The following SLC35F5 variants were observed in gnomAD, a reference collection of about 807,000 sequenced individuals.
SLC35F5 encodes solute carrier family 35 member F5, also known as HCV NS5A-transactivated protein 3.
Under a neutral mutation model 68.6 loss-of-function variants are expected in SLC35F5, and 54 were observed. That is an observed-to-expected ratio of 0.79 (90% CI 0.63 to 0.99). SLC35F5 has a LOEUF of 0.99. Ranked by LOEUF, SLC35F5 falls within the 50% of genes least tolerant of loss-of-function variation. SLC35F5 has a pLI of 0.00. For missense variants in SLC35F5, 567 were observed against 626.9 expected, an observed-to-expected ratio of 0.90 and a Z score of 1.02; for synonymous variants, 211 against 205.2, an observed-to-expected ratio of 1.03 and a Z score of -0.24.
rs1454931032 is a variant in SLC35F5 at position 113,712,043 on chromosome 2, T to C, written c.*3175A>G. ...CTCAAATTGGCTCTGCATGATTGATTTTACAGCGGGCATTAAAATTCTTCT... is the reference window on the plus strand; with the variant it reads ...CTCAAATTGGCTCTGCATGATTGATCTTACAGCGGGCATTAAAATTCTTCT... On this transcript the variant is annotated 3_prime_UTR_variant, in exon 16 of 16. Transcript: ENST00000245680. 1.3e-5 allele frequency among the ~76,000 whole-genome samples: 2 copies of C among 152,208 alleles called. No individual in the cohort carries two copies. The highest frequency in any genetic ancestry group is 2.9e-5 in the Non-Finnish European group (2 of 68,044).
chr2:113,707,831 G>A lies in SLC35F5; in HGVS notation c.*7387C>T, dbSNP rs1052641164. Among the ~76,000 whole-genome samples the A allele has an allele frequency of 6.6e-6, 1 of 152,086 alleles. No homozygotes were observed. Among genetic ancestry groups the A allele is most frequent in the Non-Finnish European group, 1.5e-5 (1 of 68,016 alleles). On this transcript the variant is annotated 3_prime_UTR_variant, in exon 16 of 16. Coordinates refer to ENST00000245680, the MANE Select transcript of SLC35F5 (RefSeq NM_025181.5). ...CCGCCTCGGACTCCCAAAGTGCTGG[G>A]ATTACAGGTGTGAGCCACCGCACCT...
intron 11 of SLC35F5, among the ~76,000 whole-genome samples, chr2:113,727,335 C>A (rs17632073): frequency 0.23 from 35,300 of 151,930 alleles, 4,456 homozygotes; most frequent in Middle Eastern, 0.49. Flanking sequence ...GACTAATACA[C>A]CAACTTACAT....
chr2:113,719,636 T>A (rs1443555316), intron 13 of SLC35F5: 1 of 170,000 alleles, frequency 5.9e-6, no homozygotes, highest in African/African-American at 2.4e-5. Flanking sequence ...CTGCACACCA[T>A]GTTGCTCATT....
rs1477274811 is a variant in SLC35F5 at position 113,714,336 on chromosome 2, C to T, written c.*882G>A. The T allele has an allele frequency of 3.3e-5, 5 of 152,082 alleles. No homozygotes were observed. Among genetic ancestry groups the T allele is most frequent in the African/African-American group, 1.2e-4 (5 of 41,428 alleles). 9.4% of individuals were successfully genotyped at this position (152,082 alleles called of 1,614,324 possible). On this transcript the variant is annotated 3_prime_UTR_variant, in exon 16 of 16. Transcript: ENST00000245680. ...GAAAAAAATTAGAAATCACTTGATA[C>T]ATCTACAATACACAAATAGACGTAT...
At position 113,709,830 on chromosome 2, in the gene SLC35F5, C is replaced by G. The variant is rs1025026183; in HGVS notation, c.*5388G>C. Among the ~76,000 whole-genome samples the G allele has an allele frequency of 3.3e-5, 5 of 152,136 alleles. No homozygotes were observed. Among genetic ancestry groups the G allele is most frequent in the African/African-American group, 1.2e-4 (5 of 41,428 alleles). ...CAAGTTTTTGGTTTTGTTTTTTTAA[C>G]AGACAGGGTCTCACTTTGCTGCCCA... is the stretch of plus-strand genomic sequence containing the variant. On this transcript the variant is annotated 3_prime_UTR_variant, in exon 16 of 16. Transcript: ENST00000245680.
Position 113,734,566 on chromosome 2 carries a change from C to T in SLC35F5, c.920+20G>A, listed in dbSNP as rs1244654703. ...TGTATTTTTAAGCAGAGCAAACTAGCTATCACACTATATGCTTACCTTAAA... is the reference window on the plus strand; with the variant it reads ...TGTATTTTTAAGCAGAGCAAACTAGTTATCACACTATATGCTTACCTTAAA... On this transcript the variant is annotated intron_variant, in intron 9 of 15. Coordinates refer to ENST00000245680, the MANE Select transcript of SLC35F5 (RefSeq NM_025181.5). The T allele has an allele frequency of 1.5e-6, 2 of 1,341,928 alleles. No homozygotes were observed. The highest frequency in any genetic ancestry group is 2.9e-5 in the African/African-American group (2 of 68,644). The allele number at this position is 1,341,928 out of a possible 1,614,324, so 83.1% of individuals were successfully genotyped here.
chr2:113,736,829 T>C (rs1688115994), intron 7 of SLC35F5, among the ~76,000 whole-genome samples: 1 of 152,202 alleles, frequency 6.6e-6, no homozygotes, highest in Non-Finnish European at 1.5e-5. Flanking sequence ...TTATCTAGGT[T>C]AGGATGGAGA....
intron 13 of SLC35F5, 48 bp from the exon 14 acceptor site, chr2:113,719,356 G>A: frequency 2.0e-6 from 3 of 1,489,596 alleles, no homozygotes; most frequent in Non-Finnish European, 2.7e-6. Flanking sequence ...TTATCATTAA[G>A]GCAATTTTCC....
rs1476860220 is a variant in SLC35F5 at position 113,710,546 on chromosome 2, A to G, written c.*4672T>C. Among the ~76,000 whole-genome samples the G allele has an allele frequency of 1.3e-5, 2 of 152,168 alleles. No homozygotes were observed. Among genetic ancestry groups the G allele is most frequent in the African/African-American group, 4.8e-5 (2 of 41,442 alleles). ...GGAGTTCAAGAGCAGCCTGGCCAAC[A>G]TGGTGAAACCCCATCTCTACTAAAA... On this transcript the variant is annotated 3_prime_UTR_variant, in exon 16 of 16. Coordinates refer to ENST00000245680, the MANE Select transcript of SLC35F5 (RefSeq NM_025181.5).
intron 13 of SLC35F5, among the ~76,000 whole-genome samples, chr2:113,722,377 A>G (rs953918744): frequency 7.7e-6 from 1 of 129,510 alleles, no homozygotes; most frequent in Non-Finnish European, 1.8e-5. Flanking sequence ...TTAGACTAAA[A>G]CACACATACA....
chr2:113,704,209 A>T (rs976060047), downstream of SLC35F5: 1 of 152,288 alleles, frequency 6.6e-6, no homozygotes, highest in Non-Finnish European at 1.5e-5. Context: ...TTATTCTCTT[A>T]TCTGGCCCCA....
At chr2:113,741,177 C>T (rs1225845914) in intron 7 of SLC35F5, among the ~76,000 whole-genome samples, 1 of 152,040 alleles carries the variant, frequency 6.6e-6, no homozygotes, top group African/African-American at 2.4e-5. Flanking sequence ...ATAAACCAGT[C>T]TCAAAAAGAC....
At position 113,742,815 on chromosome 2, in the gene SLC35F5, A is replaced by C. The variant is rs1046913523; in HGVS notation, c.627T>G (p.His209Gln). The change falls in exon 7 of 16, where the codon CAT (histidine) becomes CAG (glutamine). Residue 209 changes from histidine (H) to glutamine (Q), a missense_variant. By Grantham distance (24) the His-to-Gln change is conservative. Transcript: ENST00000245680. ...TGCGAGACAACTTTGCTTCCAATGC[A>C]TGACTTGACGGAAGCTGTCGAATCT... Reference protein sequence around the residue: ...IMEIRQLPSSHALEAKLSRMS... With the variant: ...IMEIRQLPSSQALEAKLSRMS... The C allele has an allele frequency of 6.2e-7, 1 of 1,614,174 alleles. No homozygotes were observed. The highest frequency in any genetic ancestry group is 8.5e-7 in the Non-Finnish European group (1 of 1,180,008).
At chr2:113,702,823 T>C (rs1369572316), downstream of SLC35F5, among the ~76,000 whole-genome samples, 1 of 152,100 alleles carries the variant, frequency 6.6e-6, no homozygotes, top group East Asian at 1.9e-4. Context: ...CTGAGTAAAA[T>C]ATGGGCCAGG....
At chr2:113,717,938 G>A (rs1687241821) in intron 14 of SLC35F5, 88 bp from the exon 15 acceptor site, 1 of 895,332 alleles carries the variant, frequency 1.1e-6, no homozygotes, top group Non-Finnish European at 1.7e-6. Flanking sequence ...CTGAAGCTAT[G>A]TGGACAGGAT....
At position 113,735,491 on chromosome 2, in the gene SLC35F5, T is replaced by C. The variant is rs545312559; in HGVS notation, c.832+286A>G. 2.0e-5 allele frequency among the ~76,000 whole-genome samples: 3 copies of C among 152,326 alleles called. No individual in the cohort carries two copies. In the South Asian group the frequency reaches 6.2e-4, roughly 32 times the overall value. On this transcript the variant is annotated intron_variant, in intron 8 of 15. Coordinates refer to ENST00000245680, the MANE Select transcript of SLC35F5 (RefSeq NM_025181.5). ...ACTGTAGGCAACTGTAACACAATGGTAAGTATTTGTGTATCCAAACATATT... is the reference window on the plus strand; with the variant it reads ...ACTGTAGGCAACTGTAACACAATGGCAAGTATTTGTGTATCCAAACATATT...
intron 12 of SLC35F5, 34 bp downstream of exon 12, chr2:113,725,344 A>T (rs1353346751): frequency 6.4e-7 from 1 of 1,564,914 alleles, no homozygotes. Context: ...AAAATTAATC[A>T]ACTGATAATA....
chr2:113,727,457 AC>A (rs1377990529), intron 11 of SLC35F5, among the ~76,000 whole-genome samples: 7 of 152,334 alleles, frequency 4.6e-5, no homozygotes, highest in Non-Finnish European at 7.3e-5. Flanking sequence ...ACGTGGCATT[AC>A]CAAGATCTAA....
intron 7 of SLC35F5, chr2:113,742,299 A>G (rs1237808624): frequency 9.8e-6 from 2 of 204,868 alleles, no homozygotes; most frequent in African/African-American, 4.6e-5. Flanking sequence ...CACTTATTTG[A>G]AAAAAATCAA....
Sources: gnomAD v4.1 joint callset for allele counts (sites outside exome capture counted in the v4.1 genomes callset) on GRCh38, gnomAD v4.1.1 for gene constraint, MANE v1.5 for transcripts, NCBI Gene and HGNC (gene_info 2026-07-23, HGNC 2026-07-21) for gene names.